Variants in AP1S3 observed in about 807,000 individuals in gnomAD.
The protein encoded by AP1S3 is adaptor related protein complex 1 subunit sigma 3.
In AP1S3, 10 loss-of-function variants were observed where a neutral mutation model predicts 20.9. The ratio of observed to expected loss-of-function variants is 0.48; its 90% CI spans 0.29 to 0.81. AP1S3 has a LOEUF of 0.81. Among genes scored for constraint, AP1S3 ranks in the 30% least tolerant of loss-of-function variants. The pLI, the probability that AP1S3 is intolerant of heterozygous loss-of-function variation, is 0.08. For missense variants in AP1S3, 154 were observed against 183.8 expected, an observed-to-expected ratio of 0.84 and a Z score of 0.94; for synonymous variants, 41 against 61.5, an observed-to-expected ratio of 0.67 and a Z score of 1.56.
chr2:223,811,421 T>C (rs1691723502), intron 1 of AP1S3, among the ~76,000 whole-genome samples: 1 of 151,514 alleles, frequency 6.6e-6, no homozygotes. Context: ...TACAAAAAAT[T>C]AGTTGGGTGT....
chr2:223,757,491 T>C lies in AP1S3; in HGVS notation c.*1224A>G. The C allele has an allele frequency of 3.3e-6, 2 of 601,746 alleles. No individual in the cohort carries two copies. Among genetic ancestry groups the C allele is most frequent in the Non-Finnish European group, 4.2e-6 (2 of 480,052 alleles). The allele number at this position is 601,746 out of a possible 1,614,324, so 37.3% of individuals were successfully genotyped here. A position where few individuals can be genotyped will look rare whatever the true frequency, so the allele number is the denominator to read the frequency against. On this transcript the variant is annotated 3_prime_UTR_variant, in exon 5 of 5. Transcript: ENST00000396654. ...TTAGTAGAGATGGGGTTTCATCATA[T>C]TGGCCAGGCTGCTCTCGAACTCCTG... is the stretch of plus-strand genomic sequence containing the variant.
At chr2:223,811,680 G>C (rs7576099) in intron 1 of AP1S3, among the ~76,000 whole-genome samples, 50,452 of 152,032 alleles carry the variant, frequency 0.33, 8,762 homozygotes, top group Middle Eastern at 0.43. Flanking sequence ...TATTGATGCT[G>C]GGGGCATTCT....
intron 1 of AP1S3, among the ~76,000 whole-genome samples, chr2:223,795,660 A>G (rs1691320021): frequency 6.6e-6 from 1 of 152,234 alleles, no homozygotes; most frequent in Non-Finnish European, 1.5e-5. Context: ...GGTAATCAGT[A>G]GCTTGAGAGC....
chr2:223,778,228 C>A (rs12988127), intron 1 of AP1S3, among the ~76,000 whole-genome samples: 1 of 151,728 alleles, frequency 6.6e-6, no homozygotes, highest in South Asian at 2.1e-4. Flanking sequence ...TGGGTTCAAG[C>A]GATTCTCCTG....
chr2:223,808,423 G>A (rs1200000206), intron 1 of AP1S3, among the ~76,000 whole-genome samples: 2 of 152,168 alleles, frequency 1.3e-5, no homozygotes, highest in Non-Finnish European at 2.9e-5. Flanking sequence ...ACATGTTAGG[G>A]TGGGGATGGT....
In AP1S3 at chr2:223,755,942, G is replaced by A. The variant is rs961708927; in HGVS notation, c.*2773C>T. 5 of 985,276 alleles carry A rather than the reference G, an allele frequency of 5.1e-6. No individual in the cohort carries two copies. 61.0% of individuals were successfully genotyped at this position (985,276 alleles called of 1,614,324 possible). A position where few individuals can be genotyped will look rare whatever the true frequency, so the allele number is the denominator to read the frequency against. On this transcript the variant is annotated 3_prime_UTR_variant, in exon 5 of 5. Transcript: ENST00000396654. ...AACATGTGTAGTATATTTGAATGAG[G>A]TTCAAGAGATACCTTTATCCAAATA...
intron 3 of AP1S3, among the ~76,000 whole-genome samples, chr2:223,767,206 AAAAG>A (rs760348252): frequency 3.0e-4 from 45 of 152,150 alleles, no homozygotes; most frequent in African/African-American, 9.9e-4. Context: ...GGAGAAAAAA[AAAAG>A]AAAGAAAGTC....
At chr2:223,833,882 T>TTTTATTA (rs1553528471) in intron 1 of AP1S3, among the ~76,000 whole-genome samples, 2 of 145,940 alleles carry the variant, frequency 1.4e-5, no homozygotes, top group African/African-American at 5.1e-5. Context: ...TTTACACTCT[T>TTTTATTA]TTTATTTATT....
intron 3 of AP1S3, among the ~76,000 whole-genome samples, chr2:223,770,841 C>T (rs1690608877): frequency 6.6e-6 from 1 of 150,462 alleles, no homozygotes; most frequent in African/African-American, 2.5e-5. Context: ...TATTCTACCG[C>T]CTCAGCCTCC....
chr2:223,770,454 G>T, intron 3 of AP1S3: 11 of 1,283,196 alleles, frequency 8.6e-6, no homozygotes, highest in East Asian at 3.7e-5. Flanking sequence ...TAGTTTCAAG[G>T]GATAAGGGTA....
chr2:223,813,468 AATT>A (rs1691779369), intron 1 of AP1S3, among the ~76,000 whole-genome samples: 1 of 152,218 alleles, frequency 6.6e-6, no homozygotes, highest in African/African-American at 2.4e-5. Context: ...GGAGGATAAC[AATT>A]ATTTTCCATC....
chr2:223,775,491 G>C (rs1354015935), intron 3 of AP1S3, among the ~76,000 whole-genome samples: 1 of 152,172 alleles, frequency 6.6e-6, no homozygotes, highest in African/African-American at 2.4e-5. Context: ...CTGGTTCACT[G>C]AAATAAGGTC....
At chr2:223,764,756 T>C (rs1690436975) in intron 4 of AP1S3, among the ~76,000 whole-genome samples, 1 of 152,174 alleles carries the variant, frequency 6.6e-6, no homozygotes, top group Admixed American at 6.5e-5. Flanking sequence ...CAGGGAAGCA[T>C]AGGTATTTTA....
In AP1S3 at chr2:223,820,957, CT is replaced by C. The variant is rs554175243; in HGVS notation, c.3+16490del. 2.6e-5 allele frequency among the ~76,000 whole-genome samples: 4 copies of C among 152,252 alleles called. No individual in the cohort carries two copies. The South Asian group carries it at 8.3e-4, about 32-fold the overall frequency. ...AAATACACTTCTCACTAACCCAAGT[CT>C]CTAACATACTTTCAGGGCCCTCTCA... On this transcript the variant is annotated intron_variant, in intron 1 of 4. Coordinates refer to ENST00000396654, the MANE Select transcript of AP1S3 (RefSeq NM_001039569.2).
chr2:223,789,398 G>A (rs1336193477), intron 1 of AP1S3, among the ~76,000 whole-genome samples: 1 of 152,138 alleles, frequency 6.6e-6, no homozygotes, highest in Non-Finnish European at 1.5e-5. Flanking sequence ...TGTAAGCTGG[G>A]CGCAGTGGAA....
intron 4 of AP1S3, among the ~76,000 whole-genome samples, chr2:223,760,400 C>G (rs1197959521): frequency 2.6e-5 from 4 of 152,210 alleles, no homozygotes; most frequent in African/African-American, 9.6e-5. Context: ...GGCTAGAAAT[C>G]TGCCCTTACC....
chr2:223,758,703 G>T lies in AP1S3; in HGVS notation c.*12C>A. 6.2e-7 allele frequency: 1 copy of T among 1,607,438 alleles called. No individual in the cohort carries two copies. ...TAACATGTAGTGCTGGAGTCTTCAA[G>T]TAGATTTCCAGTTAAAATGTAGGCT... On this transcript the variant is annotated 3_prime_UTR_variant, in exon 5 of 5. Transcript: ENST00000396654.
rs1439802954 is a variant in AP1S3 at position 223,756,831 on chromosome 2, A to G, written c.*1884T>C. ...AAATCTACCAGATGGGATCTCCTAA[A>G]GAATCCAACAGGAAACACACTCTTC... On this transcript the variant is annotated 3_prime_UTR_variant, in exon 5 of 5. Coordinates refer to ENST00000396654, the MANE Select transcript of AP1S3 (RefSeq NM_001039569.2). 2.0e-6 allele frequency: 2 copies of G among 985,418 alleles called. No individual in the cohort carries two copies. The highest frequency in any genetic ancestry group is 3.5e-5 in the African/African-American group (2 of 57,354). 61.0% of individuals were successfully genotyped at this position (985,418 alleles called of 1,614,324 possible). A position where few individuals can be genotyped will look rare whatever the true frequency, so the allele number is the denominator to read the frequency against.
Position 223,817,396 on chromosome 2 carries a change from G to T in AP1S3, c.3+20052C>A, listed in dbSNP as rs1350783555. 2.0e-5 allele frequency among the ~76,000 whole-genome samples: 3 copies of T among 152,052 alleles called. No individual in the cohort carries two copies. The East Asian group carries it at 5.8e-4, about 29-fold the overall frequency. On this transcript the variant is annotated intron_variant, in intron 1 of 4. Transcript: ENST00000396654. ...GGCCAAGGTGGGCGGATCACCTGAGGTCGGGAGTTCGAGACAAGCCTGACC... is the reference window on the plus strand; with the variant it reads ...GGCCAAGGTGGGCGGATCACCTGAGTTCGGGAGTTCGAGACAAGCCTGACC...
Sources: allele counts gnomAD v4.1 joint callset (sites outside exome capture counted in the v4.1 genomes callset), GRCh38; gene constraint gnomAD v4.1.1; transcripts MANE v1.5; gene names NCBI Gene and HGNC (gene_info 2026-07-23, HGNC 2026-07-21).